Variants in RHBDD1 observed in about 807,000 individuals in gnomAD.
RHBDD1 encodes rhomboid-related protein 4.
Under a neutral mutation model 36.3 loss-of-function variants are expected in RHBDD1, and 38 were observed. The observed-to-expected ratio is 1.05, with a 90% CI of 0.81 to 1.37. RHBDD1 has a LOEUF of 1.37. Among genes scored for constraint, RHBDD1 ranks in the 40% most tolerant of loss-of-function variants. The pLI is 0.00. For missense variants in RHBDD1, 393 were observed against 377.6 expected (o/e 1.04, Z -0.34); for synonymous variants, 151 against 136.5 (o/e 1.11, Z -0.74).
In RHBDD1 at chr2:226,894,331, A is replaced by T. The variant is rs58459990; in HGVS notation, c.567-12462A>T. 1.9e-3 allele frequency among the ~76,000 whole-genome samples: 296 copies of T among 152,238 alleles called. 1 individual carries two copies. The highest frequency in any genetic ancestry group is 6.8e-3 in the African/African-American group (283 of 41,536). ...GTTGCCAGGGTTGGAGTACATTGAG[A>T]TCATCTTAGCTCACAGCAACTTCTG... On this transcript the variant is annotated intron_variant, in intron 5 of 8. Coordinates refer to ENST00000392062, the MANE Select transcript of RHBDD1 (RefSeq NM_001167608.3).
Position 226,893,197 on chromosome 2 carries a change from G to A in RHBDD1, c.567-13596G>A, listed in dbSNP as rs772719362. ...AATTTCTAGCTATGGCATTGCTTGT[G>A]AAAATACCTCCAAAAGACTGAACTC... On this transcript the variant is annotated intron_variant, in intron 5 of 8. Coordinates refer to ENST00000392062, the MANE Select transcript of RHBDD1 (RefSeq NM_001167608.3). Among the ~76,000 whole-genome samples the A allele has an allele frequency of 2.0e-5, 3 of 152,186 alleles. No individual in the cohort carries two copies. In the South Asian group the frequency reaches 6.2e-4, roughly 31 times the overall value.
chr2:226,982,635 A>G (rs931779892), intron 8 of RHBDD1, among the ~76,000 whole-genome samples: 21 of 152,216 alleles, frequency 1.4e-4, no homozygotes, highest in African/African-American at 4.6e-4. Context: ...ATTGTGTTCC[A>G]AAGTATATGA....
At chr2:226,834,785 A>C (rs1299960426), upstream of RHBDD1, among the ~76,000 whole-genome samples, 1 of 151,884 alleles carries the variant, frequency 6.6e-6, no homozygotes, top group East Asian at 1.9e-4. Flanking sequence ...CCAAATAGTA[A>C]GATTTTTTTT....
intron 8 of RHBDD1, chr2:226,988,277 G>GT: frequency 6.6e-7 from 1 of 1,517,784 alleles, no homozygotes; most frequent in Non-Finnish European, 8.9e-7. Flanking sequence ...GGAGGCCACT[G>GT]TAAGTCTCTT....
chr2:226,831,000 G>A (rs2124863908), upstream of RHBDD1, among the ~76,000 whole-genome samples: 1 of 152,254 alleles, frequency 6.6e-6, no homozygotes, highest in South Asian at 2.1e-4. Context: ...TTGCATTCAT[G>A]GTATATGATC....
At chr2:226,840,872 C>T (rs898824381) in intron 3 of RHBDD1, among the ~76,000 whole-genome samples, 4 of 151,184 alleles carry the variant, frequency 2.6e-5, no homozygotes, top group African/African-American at 4.9e-5. Flanking sequence ...TTGGCAACTA[C>T]ATATAATTTG....
At chr2:226,878,226 A>G (rs1945406599) in intron 5 of RHBDD1, among the ~76,000 whole-genome samples, 1 of 151,274 alleles carries the variant, frequency 6.6e-6, no homozygotes, top group Non-Finnish European at 1.5e-5. Flanking sequence ...AGAGGGAAGC[A>G]GTAGAATATG....
intron 8 of RHBDD1, among the ~76,000 whole-genome samples, chr2:226,959,979 T>C (rs1380951821): frequency 6.6e-6 from 1 of 152,104 alleles, no homozygotes; most frequent in Non-Finnish European, 1.5e-5. Context: ...CCTGCCACCA[T>C]GCCCGGCTAA....
At chr2:226,882,382 A>T (rs1945820561) in intron 5 of RHBDD1, among the ~76,000 whole-genome samples, 1 of 147,788 alleles carries the variant, frequency 6.8e-6, no homozygotes, top group Non-Finnish European at 1.5e-5. Context: ...GTGAGCCAAG[A>T]TCATGCCATT....
intron 8 of RHBDD1, among the ~76,000 whole-genome samples, chr2:226,945,053 G>A (rs1312997646): frequency 6.6e-6 from 1 of 151,932 alleles, no homozygotes; most frequent in Non-Finnish European, 1.5e-5. Context: ...AGAGGGCAGA[G>A]ATAAGTAGGA....
At chr2:226,819,982 T>G in the RHBDD1 span, among the ~76,000 whole-genome samples, 3,513 of 112,910 alleles carry the variant, frequency 0.031, 46 homozygotes, top group Non-Finnish European at 0.038. Flanking sequence ...TGTGTGTTTT[T>G]TTTTTTTTTT....
the RHBDD1 span, among the ~76,000 whole-genome samples, chr2:226,827,845 A>G: frequency 6.6e-6 from 1 of 152,232 alleles, no homozygotes; most frequent in Non-Finnish European, 1.5e-5. Context: ...TCTTGAGCAT[A>G]GCATGTGGAT....
chr2:226,861,285 G>T (rs544763282), intron 3 of RHBDD1, among the ~76,000 whole-genome samples: 75 of 152,312 alleles, frequency 4.9e-4, no homozygotes, highest in Admixed American at 3.6e-3. Flanking sequence ...AGAGAAACGG[G>T]TTGGAAGGAG....
At chr2:226,833,255 A>C (rs1415205861), upstream of RHBDD1, among the ~76,000 whole-genome samples, 1 of 152,254 alleles carries the variant, frequency 6.6e-6, no homozygotes, top group Non-Finnish European at 1.5e-5. Context: ...TGGGTAAAAC[A>C]GTAATCAATA....
intron 3 of RHBDD1, among the ~76,000 whole-genome samples, chr2:226,861,500 A>G (rs1041102779): frequency 1.3e-5 from 2 of 152,222 alleles, no homozygotes; most frequent in African/African-American, 4.8e-5. Flanking sequence ...ATTACTAATG[A>G]TTGTAATTGA....
At chr2:226,953,267 G>A (rs1951556858) in intron 8 of RHBDD1, among the ~76,000 whole-genome samples, 1 of 152,100 alleles carries the variant, frequency 6.6e-6, no homozygotes. Context: ...GTTCACATGA[G>A]CACCAGTTAG....
intron 3 of RHBDD1, among the ~76,000 whole-genome samples, 154 bp from the exon 4 acceptor site, chr2:226,864,450 A>G (rs370849102): frequency 1.1e-3 from 168 of 152,324 alleles, no homozygotes; most frequent in Middle Eastern, 6.8e-3. Context: ...GTCAGTCAGC[A>G]TCCTCGATAT....
At chr2:226,833,090 A>G (rs1295909863), upstream of RHBDD1, among the ~76,000 whole-genome samples, 3 of 152,202 alleles carry the variant, frequency 2.0e-5, no homozygotes, top group African/African-American at 7.2e-5. Context: ...TCTACTGTTA[A>G]GTATTGTTGG....
chr2:226,938,485 ATTATAAATACCTCT>A (rs1211420587), intron 8 of RHBDD1, among the ~76,000 whole-genome samples: 1 of 152,168 alleles, frequency 6.6e-6, no homozygotes, highest in Non-Finnish European at 1.5e-5. Flanking sequence ...ATCAGAGAAT[ATTATAAATACCTCT>A]ATGCAAGTAA....
Sources: allele counts gnomAD v4.1 joint callset (sites outside exome capture counted in the v4.1 genomes callset), GRCh38; gene constraint gnomAD v4.1.1; transcripts MANE v1.5; gene names NCBI Gene and HGNC (gene_info 2026-07-23, HGNC 2026-07-21).